Variants in AIG1 observed in about 807,000 individuals in gnomAD.
AIG1 encodes androgen induced 1.
Under a neutral mutation model 31.4 loss-of-function variants are expected in AIG1, and 23 were observed. The observed-to-expected ratio is 0.73, with a 90% CI of 0.53 to 1.04. The LOEUF is 1.04. AIG1 is among the 50% of genes least tolerant of loss of function. AIG1 has a pLI of 0.00. For synonymous variants in AIG1, 100 were observed against 110.5 expected (o/e 0.90, Z 0.60); for missense variants, 274 against 295.0 (o/e 0.93, Z 0.52).
At chr6:143,107,593 GTATC>G (rs1780918052) in intron 1 of AIG1, among the ~76,000 whole-genome samples, 1 of 152,164 alleles carries the variant, frequency 6.6e-6, no homozygotes, top group African/African-American at 2.4e-5. Flanking sequence ...GGAAACCTCA[GTATC>G]TATTTACTTG....
chr6:143,275,874 AAGC>A (rs1276772784), intron 3 of AIG1, among the ~76,000 whole-genome samples: 2 of 152,218 alleles, frequency 1.3e-5, no homozygotes, highest in Non-Finnish European at 2.9e-5. Flanking sequence ...TCGTGGAAGA[AAGC>A]AAACACTAAG....
chr6:143,105,781 G>A (rs1239221549), intron 1 of AIG1, among the ~76,000 whole-genome samples: 1 of 152,254 alleles, frequency 6.6e-6, no homozygotes, highest in East Asian at 1.9e-4. Flanking sequence ...AGTGGTAGTA[G>A]TACATGTTCC....
At chr6:143,146,294 A>G (rs1784700679) in intron 2 of AIG1, among the ~76,000 whole-genome samples, 1 of 152,204 alleles carries the variant, frequency 6.6e-6, no homozygotes, top group Admixed American at 6.5e-5. Flanking sequence ...TTGAGATCAA[A>G]AAAAGGTAGA....
Position 143,308,323 on chromosome 6 carries a change from G to A in AIG1, c.515+24098G>A, listed in dbSNP as rs181445494. Among the ~76,000 whole-genome samples the A allele has an allele frequency of 2.2e-4, 33 of 152,324 alleles. No homozygotes were observed. In the East Asian group the frequency reaches 5.4e-3, roughly 25 times the overall value. On this transcript the variant is annotated intron_variant, in intron 4 of 5. Transcript: ENST00000357847. Reference sequence around the variant, plus strand: ...TCGCTCACGCTGGGAGCTGTAGACCGGAGCTGTTCCTGTTCGGCCATCTTG... The same window carrying A: ...TCGCTCACGCTGGGAGCTGTAGACCAGAGCTGTTCCTGTTCGGCCATCTTG...
intron 1 of AIG1, among the ~76,000 whole-genome samples, chr6:143,098,596 T>C (rs1407557218): frequency 6.6e-6 from 1 of 152,230 alleles, no homozygotes; most frequent in Non-Finnish European, 1.5e-5. Context: ...CCCAAATTTA[T>C]ATTTTGAGCC....
At chr6:143,265,179 G>A (rs1796071858) in intron 3 of AIG1, among the ~76,000 whole-genome samples, 1 of 151,748 alleles carries the variant, frequency 6.6e-6, no homozygotes, top group Non-Finnish European at 1.5e-5. Flanking sequence ...AAGCCTGGCA[G>A]TTTCATTGTT....
intron 2 of AIG1, among the ~76,000 whole-genome samples, chr6:143,153,892 A>G (rs1371895490): frequency 2.0e-5 from 3 of 151,568 alleles, no homozygotes. Context: ...CTGACATTTA[A>G]TTTATTTATT....
intron 3 of AIG1, chr6:143,187,630 A>G (rs921819308): frequency 6.5e-7 from 1 of 1,536,122 alleles, no homozygotes; most frequent in South Asian, 1.2e-5. Flanking sequence ...TTTCTGCAGC[A>G]TTTCAAAGCT....
At chr6:143,140,388 G>A (rs1235431492) in intron 2 of AIG1, among the ~76,000 whole-genome samples, 1 of 152,066 alleles carries the variant, frequency 6.6e-6, no homozygotes, top group Admixed American at 6.5e-5. Flanking sequence ...TGTCTCTAAT[G>A]TTATTTCCCA....
chr6:143,160,846 A>G lies in AIG1; in HGVS notation c.298-4236A>G, dbSNP rs557321143. 9.2e-5 allele frequency among the ~76,000 whole-genome samples: 14 copies of G among 152,332 alleles called. No homozygotes were observed. The East Asian group carries it at 2.3e-3, about 25-fold the overall frequency. ...TAGCTGGGCCTCCTGACCTTCTAGT[A>G]TTACACTTAGAAAGGTAACTAACAC... is the stretch of plus-strand genomic sequence containing the variant. On this transcript the variant is annotated intron_variant, in intron 2 of 5. Coordinates refer to ENST00000357847, the MANE Select transcript of AIG1 (RefSeq NM_016108.4).
intron 3 of AIG1, among the ~76,000 whole-genome samples, chr6:143,255,947 T>C (rs1165486932): frequency 6.6e-6 from 1 of 152,152 alleles, no homozygotes; most frequent in Non-Finnish European, 1.5e-5. Context: ...TTCAAAAGAT[T>C]AAGGAGTGGT....
At chr6:143,273,633 C>G (rs919352148) in intron 3 of AIG1, among the ~76,000 whole-genome samples, 4 of 152,112 alleles carry the variant, frequency 2.6e-5, no homozygotes, top group Non-Finnish European at 5.9e-5. Context: ...CACGTGACTG[C>G]GGAGGCCTCA....
At chr6:143,211,892 CA>C (rs879442494) in intron 3 of AIG1, among the ~76,000 whole-genome samples, 3,196 of 130,726 alleles carry the variant, frequency 0.024, 53 homozygotes, top group African/African-American at 0.034. Flanking sequence ...GACCCTGTCT[CA>C]AAAAAAAAAA....
rs1433226763 is a variant in AIG1, at chr6:143,340,177, A to C, written c.*501A>C. On this transcript the variant is annotated 3_prime_UTR_variant, in exon 6 of 6. Transcript: ENST00000357847. ...ATTGCATAATGTCACAGTTGCCTCAAATGAGCACCATTTGTAATAATGATG... is the reference window on the plus strand; with the variant it reads ...ATTGCATAATGTCACAGTTGCCTCACATGAGCACCATTTGTAATAATGATG... The C allele has an allele frequency of 1.3e-5, 2 of 152,374 alleles. No individual in the cohort carries two copies. Among genetic ancestry groups the C allele is most frequent in the Non-Finnish European group, 2.9e-5 (2 of 68,166 alleles). The allele number at this position is 152,374 out of a possible 1,614,324, so 9.4% of individuals were successfully genotyped here. A position where few individuals can be genotyped will look rare whatever the true frequency, so the allele number is the denominator to read the frequency against.
Position 143,339,760 on chromosome 6 carries a change from C to A in AIG1, c.*84C>A. The A allele has an allele frequency of 6.8e-7, 1 of 1,478,234 alleles. No individual in the cohort carries two copies. The highest frequency in any genetic ancestry group is 1.2e-5 in the South Asian group (1 of 82,080). The allele number at this position is 1,478,234 out of a possible 1,614,324, so 91.6% of individuals were successfully genotyped here. A position where few individuals can be genotyped will look rare whatever the true frequency, so the allele number is the denominator to read the frequency against. On this transcript the variant is annotated 3_prime_UTR_variant, in exon 6 of 6. Transcript: ENST00000357847. ...GGCATTGGCAGTGGGGGAGAAAAGG[C>A]TTCAAAGGAACTTGGTGGCATCAGC... is the stretch of plus-strand genomic sequence containing the variant.
Position 143,219,007 on chromosome 6 carries a change from A to C in AIG1, c.399+53824A>C, listed in dbSNP as rs150217443. On this transcript the variant is annotated intron_variant, in intron 3 of 5. Transcript: ENST00000357847. The stretch of plus-strand genomic sequence containing the variant: ...ACCTCTGTGAACTGAAAATATACTG[A>C]AAACTGGTCCTGTATTCGTTGTTCA... Among the ~76,000 whole-genome samples the C allele has an allele frequency of 1.8e-3, 280 of 152,326 alleles. 1 individual carries two copies. Among genetic ancestry groups the C allele is most frequent in the African/African-American group, 6.4e-3 (267 of 41,576 alleles).
At chr6:143,142,214 G>A (rs1784301268) in intron 2 of AIG1, among the ~76,000 whole-genome samples, 2 of 151,976 alleles carry the variant, frequency 1.3e-5, no homozygotes, top group African/African-American at 2.4e-5. Flanking sequence ...TAGGACTACA[G>A]GCATGCACCA....
intron 3 of AIG1, among the ~76,000 whole-genome samples, chr6:143,206,043 G>C (rs973766197): frequency 6.6e-6 from 1 of 152,214 alleles, no homozygotes; most frequent in Admixed American, 6.5e-5. Context: ...TATTATGACT[G>C]TGTTGATCCA....
chr6:143,277,225 G>T (rs1042584334), intron 3 of AIG1, among the ~76,000 whole-genome samples: 15 of 152,180 alleles, frequency 9.9e-5, no homozygotes, highest in Admixed American at 3.3e-4. Flanking sequence ...CTATGGGGGG[G>T]TGAGAGGAAA....
Sources: allele counts gnomAD v4.1 joint callset (sites outside exome capture counted in the v4.1 genomes callset), GRCh38; gene constraint gnomAD v4.1.1; transcripts MANE v1.5; gene names NCBI Gene and HGNC (gene_info 2026-07-23, HGNC 2026-07-21).